DIP2C: variants seen among roughly 807,000 people sequenced by gnomAD.
The protein encoded by DIP2C is DIP2 acetate--CoA ligase C (putative).
DIP2C carries 33 observed loss-of-function variants against 192.4 expected under a neutral mutation model. That is an observed-to-expected ratio of 0.17 (90% confidence interval 0.13 to 0.23). The LOEUF (loss-of-function observed/expected upper bound fraction) is 0.23. Ranked by LOEUF, DIP2C falls within the 10% of genes least tolerant of loss-of-function variation. The pLI is 1.00. For missense variants in DIP2C, 1,537 were observed against 2,110.1 expected, an observed-to-expected ratio of 0.73 and a Z score of 5.32; for synonymous variants, 979 against 864.1, an observed-to-expected ratio of 1.13 and a Z score of -2.33.
At chr10:294,745 CCTT>C (rs1292803883) in intron 32 of DIP2C, among the ~76,000 whole-genome samples, 2 of 152,002 alleles carry the variant, frequency 1.3e-5, no homozygotes, top group African/African-American at 4.8e-5. Context: ...TTTGGGAACT[CCTT>C]CGTTTTTAAA....
chr10:649,334 T>G, intron 1 of DIP2C, among the ~76,000 whole-genome samples: 2 of 141,064 alleles, frequency 1.4e-5, no homozygotes, highest in Non-Finnish European at 1.5e-5. Flanking sequence ...CATTGGATGG[T>G]GGGAGAGAAC....
chr10:644,093 G>A (rs1310368961), intron 1 of DIP2C, among the ~76,000 whole-genome samples: 1 of 152,226 alleles, frequency 6.6e-6, no homozygotes, highest in Non-Finnish European at 1.5e-5. Context: ...AGAAGGTCAG[G>A]ATTCCGTGAG....
intron 31 of DIP2C, among the ~76,000 whole-genome samples, chr10:311,914 CTCTT>C (rs534038265): frequency 1.1e-3 from 168 of 152,248 alleles, no homozygotes; most frequent in African/African-American, 2.7e-3. Flanking sequence ...ACTCACGGTG[CTCTT>C]TCTTTCTGAG....
intron 1 of DIP2C, among the ~76,000 whole-genome samples, chr10:567,298 C>A (rs1339759787): frequency 6.6e-6 from 1 of 152,180 alleles, no homozygotes; most frequent in African/African-American, 2.4e-5. Flanking sequence ...AAGCAATTCT[C>A]CTGCTTCAGC....
intron 7 of DIP2C, among the ~76,000 whole-genome samples, chr10:414,647 C>T (rs1231149565): frequency 6.7e-6 from 1 of 149,584 alleles, no homozygotes; most frequent in African/African-American, 2.5e-5. Context: ...ACAGTCCTAG[C>T]CTGTAGCTAG....
intron 13 of DIP2C, among the ~76,000 whole-genome samples, chr10:389,078 GGGGGTTCTCT>G: frequency 7.7e-6 from 1 of 130,370 alleles, no homozygotes; most frequent in African/African-American, 4.5e-5. Context: ...TCAGGGGCAT[GGGGGTTCTCT>G]GGGGGTTCTC....
chr10:624,834 G>A (rs551864008), intron 1 of DIP2C, among the ~76,000 whole-genome samples: 2 of 152,184 alleles, frequency 1.3e-5, no homozygotes, highest in African/African-American at 4.8e-5. Flanking sequence ...GAAAACTACG[G>A]AAGCTGTGAA....
intron 1 of DIP2C, among the ~76,000 whole-genome samples, chr10:566,916 C>T (rs944700399): frequency 6.6e-6 from 1 of 152,246 alleles, no homozygotes; most frequent in Non-Finnish European, 1.5e-5. Context: ...AATCCCATTC[C>T]ATACACCATC....
intron 1 of DIP2C, among the ~76,000 whole-genome samples, chr10:510,458 G>A (rs1845935234): frequency 6.6e-6 from 1 of 152,210 alleles, no homozygotes; most frequent in South Asian, 2.1e-4. Context: ...TGCCGTATGT[G>A]GACCAGCAAC....
intron 32 of DIP2C, among the ~76,000 whole-genome samples, chr10:303,452 TA>T (rs1956153068): frequency 6.6e-6 from 1 of 152,240 alleles, no homozygotes; most frequent in Admixed American, 6.5e-5. Context: ...AAAAACAGAT[TA>T]AAACATATTG....
intron 1 of DIP2C, among the ~76,000 whole-genome samples, chr10:498,060 G>A (rs981657061): frequency 6.6e-6 from 1 of 151,190 alleles, no homozygotes; most frequent in Non-Finnish European, 1.5e-5. Flanking sequence ...TTGTAGAGAT[G>A]GGGTCTTGCT....
intron 19 of DIP2C, chr10:365,124 T>C (rs1960036170): frequency 4.7e-6 from 2 of 428,416 alleles, no homozygotes; most frequent in South Asian, 3.5e-5. Context: ...AGATGGAGTT[T>C]TTATTTAGAT....
In DIP2C at chr10:384,427, G is replaced by T. The variant is rs1209210997; in HGVS notation, c.1756+119C>A. The T allele has an allele frequency of 3.9e-6, 4 of 1,028,292 alleles. No homozygotes were observed. The East Asian group carries it at 9.5e-5, about 25-fold the overall frequency. The allele number at this position is 1,028,292 out of a possible 1,614,324, so 63.7% of individuals were successfully genotyped here. A position where few individuals can be genotyped will look rare whatever the true frequency, so the allele number is the denominator to read the frequency against. ...TAATTTTTGTATTATTAGTAGAAAC[G>T]GGGTTTCTCCATATTGGCCCGGGTG... On this transcript the variant is annotated intron_variant, in intron 15 of 36. Transcript: ENST00000280886.
intron 1 of DIP2C, among the ~76,000 whole-genome samples, chr10:516,083 G>C (rs188596291): frequency 3.3e-5 from 5 of 151,060 alleles, no homozygotes; most frequent in Admixed American, 3.3e-4. Flanking sequence ...GAGAGGAAAC[G>C]AGGGGGTTTC....
chr10:510,404 T>C (rs1845931899), intron 1 of DIP2C, among the ~76,000 whole-genome samples: 1 of 152,210 alleles, frequency 6.6e-6, no homozygotes, highest in Non-Finnish European at 1.5e-5. Flanking sequence ...CCTGCACCTA[T>C]ATTTAGCCTG....
At chr10:342,221 C>T (rs939199199) in intron 28 of DIP2C, among the ~76,000 whole-genome samples, 4 of 151,910 alleles carry the variant, frequency 2.6e-5, no homozygotes, top group South Asian at 2.1e-4. Context: ...TGCAGTGGTG[C>T]GATCTCCGCT....
At chr10:468,577 A>G (rs151112644) in intron 3 of DIP2C, among the ~76,000 whole-genome samples, 2,922 of 152,294 alleles carry the variant, frequency 0.019, 96 homozygotes, top group African/African-American at 0.067. Flanking sequence ...CCTGACCAAC[A>G]TGGAGAAACC....
intron 1 of DIP2C, among the ~76,000 whole-genome samples, chr10:575,890 G>C (rs921337203): frequency 3.9e-5 from 6 of 152,168 alleles, no homozygotes; most frequent in Admixed American, 2.0e-4. Context: ...TCTTACCTGC[G>C]CCTCTCCTCC....
intron 9 of DIP2C, among the ~76,000 whole-genome samples, chr10:408,127 TG>T (rs1964940101): frequency 6.6e-6 from 1 of 150,466 alleles, no homozygotes; most frequent in South Asian, 2.1e-4. Flanking sequence ...TTGCATATGA[TG>T]TTAGGTAAAC....
Sources: allele counts gnomAD v4.1 joint callset (sites outside exome capture counted in the v4.1 genomes callset), GRCh38; gene constraint gnomAD v4.1.1; transcripts MANE v1.5; gene names NCBI Gene and HGNC (gene_info 2026-07-23, HGNC 2026-07-21).